Variants in RBFOX2 observed in about 807,000 individuals in gnomAD.
RBFOX2 encodes the protein RNA binding fox-1 homolog 2, also known as RNA binding protein fox-1 homolog 2.
A neutral mutation model predicts 49.1 loss-of-function variants in RBFOX2; 10 were observed. The observed-to-expected ratio is 0.20, with a 90% CI of 0.13 to 0.35. RBFOX2 has a LOEUF of 0.35. Among genes scored for constraint, RBFOX2 ranks in the 10% least tolerant of loss-of-function variants. The probability of loss-of-function intolerance (pLI) is 1.00; values close to 1 mark genes in which losing one functional copy is unlikely to be tolerated. For missense variants in RBFOX2, 323 were observed against 486.9 expected (o/e 0.66, Z 3.17); for synonymous variants, 183 against 187.4 (o/e 0.98, Z 0.19).
At chr22:35,957,481 C>T (rs1678859993) in intron 1 of RBFOX2, among the ~76,000 whole-genome samples, 1 of 152,134 alleles carries the variant, frequency 6.6e-6, no homozygotes, top group South Asian at 2.1e-4. Context: ...CACAGACTGA[C>T]CTTACAGATA....
intron 1 of RBFOX2, among the ~76,000 whole-genome samples, chr22:35,862,030 C>T (rs1476405776): frequency 6.6e-6 from 1 of 152,164 alleles, no homozygotes; most frequent in Non-Finnish European, 1.5e-5. Flanking sequence ...CAAAACAGTA[C>T]TTATTGTATG....
intron 1 of RBFOX2, among the ~76,000 whole-genome samples, chr22:35,952,002 G>C (rs570785994): frequency 5.3e-5 from 8 of 152,350 alleles, no homozygotes; most frequent in Admixed American, 3.3e-4. Flanking sequence ...GAACTGATCA[G>C]AGTGGCTCTT....
chr22:35,777,926 A>C (rs1199548745), intron 4 of RBFOX2, 99 bp downstream of exon 5: 1 of 1,230,986 alleles, frequency 8.1e-7, no homozygotes, highest in Non-Finnish European at 1.1e-6. Flanking sequence ...ACTTTTATGC[A>C]GGCTTGAAAA....
At chr22:35,781,122 A>G (rs1041821245) in intron 3 of RBFOX2, among the ~76,000 whole-genome samples, 1 of 152,126 alleles carries the variant, frequency 6.6e-6, no homozygotes, top group East Asian at 1.9e-4. Flanking sequence ...CCCAAGCCAC[A>G]CTCCAGGCCA....
chr22:35,850,365 T>C (rs1211091079), intron 1 of RBFOX2, among the ~76,000 whole-genome samples: 2 of 152,114 alleles, frequency 1.3e-5, no homozygotes, highest in Non-Finnish European at 2.9e-5. Flanking sequence ...TGACACTGTA[T>C]GTTTTTGTAT....
intron 1 of RBFOX2, among the ~76,000 whole-genome samples, chr22:35,895,481 C>G (rs901844678): frequency 1.3e-5 from 2 of 152,170 alleles, no homozygotes; most frequent in African/African-American, 4.8e-5. Flanking sequence ...GTGCTTGACA[C>G]CACTATTCTT....
upstream of RBFOX2, among the ~76,000 whole-genome samples, chr22:35,963,651 C>G (rs1279407381): frequency 1.3e-5 from 2 of 152,142 alleles, no homozygotes; most frequent in Admixed American, 1.3e-4. Flanking sequence ...CTCAAACGTA[C>G]ATTAAGAGCA....
chr22:35,743,930 A>AT (rs71658610), exon 12 of RBFOX2: 5,116 of 312,108 alleles, frequency 0.016, 24 homozygotes, highest in Middle Eastern at 0.028. Flanking sequence ...GAAATGCATT[A>AT]TTTTTTTTTT....
intron 2 of RBFOX2, among the ~76,000 whole-genome samples, chr22:35,788,614 C>T (rs947568362): frequency 5.5e-4 from 84 of 152,312 alleles, no homozygotes; most frequent in African/African-American, 2.0e-3. Flanking sequence ...TTGAAGATAA[C>T]TCTCAATTGT....
intron 1 of RBFOX2, among the ~76,000 whole-genome samples, chr22:36,007,022 A>G (rs1295327448): frequency 1.3e-5 from 2 of 152,196 alleles, no homozygotes; most frequent in Non-Finnish European, 2.9e-5. Context: ...TAGCTAGGGG[A>G]CATTTCTTAA....
chr22:35,963,327 T>C (rs953904385), upstream of RBFOX2, among the ~76,000 whole-genome samples: 1 of 152,184 alleles, frequency 6.6e-6, no homozygotes, highest in Non-Finnish European at 1.5e-5. Flanking sequence ...TCTGAGATAT[T>C]TGTTTTCTTA....
chr22:35,788,016 G>C (rs1946776826), intron 2 of RBFOX2, among the ~76,000 whole-genome samples: 1 of 152,178 alleles, frequency 6.6e-6, no homozygotes, highest in South Asian at 2.1e-4. Context: ...CACTGCACAG[G>C]AGGTCGGCAC....
intron 1 of RBFOX2, among the ~76,000 whole-genome samples, chr22:35,812,602 G>A (rs1952125365): frequency 6.6e-6 from 1 of 152,184 alleles, no homozygotes; most frequent in Non-Finnish European, 1.5e-5. Flanking sequence ...AATTCAGGTG[G>A]ACTGGTGAAT....
In RBFOX2 at chr22:35,765,166, T is replaced by C. The variant is rs561538303; in HGVS notation, c.607+257A>G. ...TCAGGTGGGATCCAATTTGGGTTAA[T>C]AGGCAACTAGATAGCATGTTTGCAC... On this transcript the variant is annotated intron_variant, in intron 6 of 11. Transcript: ENST00000405409. Among the ~76,000 whole-genome samples, 183 of 150,470 alleles carry C rather than the reference T, an allele frequency of 1.2e-3. 3 individuals are homozygous for C. In the South Asian group the frequency reaches 0.038, roughly 31 times the overall value.
intron 1 of RBFOX2, among the ~76,000 whole-genome samples, chr22:35,910,065 T>C (rs2049612699): frequency 6.6e-6 from 1 of 152,246 alleles, no homozygotes; most frequent in Non-Finnish European, 1.5e-5. Flanking sequence ...AAACAAAATA[T>C]AACTGAATCT....
At chr22:35,772,066 GTATAA>G (rs981353589) in intron 4 of RBFOX2, among the ~76,000 whole-genome samples, 1 of 151,924 alleles carries the variant, frequency 6.6e-6, no homozygotes, top group African/African-American at 2.4e-5. Context: ...GTCTACACCG[GTATAA>G]TATATGTAAC....
At chr22:35,747,924 TG>T (rs1933386500) in intron 9 of RBFOX2, 1 of 152,254 alleles carries the variant, frequency 6.6e-6, no homozygotes, top group African/African-American at 2.4e-5. Flanking sequence ...TATCATTTCT[TG>T]GGATTGAGAA....
At chr22:35,955,512 G>C (rs890752671) in intron 1 of RBFOX2, among the ~76,000 whole-genome samples, 10 of 151,892 alleles carry the variant, frequency 6.6e-5, no homozygotes, top group Non-Finnish European at 2.9e-5. Context: ...TTTTGGCACA[G>C]GGACTGGTTT....
chr22:35,785,208 T>A lies in RBFOX2; in HGVS notation c.253-3462A>T, dbSNP rs918371761. 2.8e-4 allele frequency among the ~76,000 whole-genome samples: 43 copies of A among 152,180 alleles called. 1 individual carries two copies. Among genetic ancestry groups the A allele is most frequent in the Non-Finnish European group, 5.9e-5 (4 of 68,042 alleles). ...GAATCTCTTTTGCAACATCCCAGCA[T>A]GCATTTATCTAATTATTTTTTTCAC... On this transcript the variant is annotated intron_variant, in intron 2 of 11. Transcript: ENST00000405409.
Sources: allele counts gnomAD v4.1 joint callset (sites outside exome capture counted in the v4.1 genomes callset), GRCh38; gene constraint gnomAD v4.1.1; transcripts MANE v1.5; gene names NCBI Gene and HGNC (gene_info 2026-07-23, HGNC 2026-07-21).